Variants in PTPRT observed in about 807,000 individuals in gnomAD.
PTPRT encodes the protein protein tyrosine phosphatase receptor type T.
A neutral mutation model predicts 176.8 loss-of-function variants in PTPRT; 56 were observed. The ratio of observed to expected loss-of-function variants is 0.32; its 90% CI spans 0.26 to 0.40. The LOEUF is 0.40. Ranked by LOEUF, PTPRT falls within the 10% of genes least tolerant of loss-of-function variation. The pLI is 1.00. For synonymous variants in PTPRT, 783 were observed against 739.0 expected (o/e 1.06, Z -0.96); for missense variants, 1,540 against 1,908.2 (o/e 0.81, Z 3.60).
chr20:42,336,882 G>C (rs2058048039), intron 11 of PTPRT, among the ~76,000 whole-genome samples: 1 of 152,168 alleles, frequency 6.6e-6, no homozygotes. Flanking sequence ...TTTAGACTAG[G>C]AAATAGAAAC....
chr20:43,099,384 T>C (rs2012300287), intron 1 of PTPRT, among the ~76,000 whole-genome samples: 1 of 152,168 alleles, frequency 6.6e-6, no homozygotes, highest in African/African-American at 2.4e-5. Flanking sequence ...AGCAATTTTC[T>C]GAAGGACACA....
intron 11 of PTPRT, among the ~76,000 whole-genome samples, chr20:42,342,137 T>C (rs971603821): frequency 1.3e-5 from 2 of 152,244 alleles, no homozygotes; most frequent in Non-Finnish European, 2.9e-5. Flanking sequence ...ATCACCAGAC[T>C]GACCTTTGTC....
At chr20:42,774,267 A>G (rs1885831) in intron 4 of PTPRT, among the ~76,000 whole-genome samples, 24,502 of 152,146 alleles carry the variant, frequency 0.16, 2,237 homozygotes, top group East Asian at 0.39. Flanking sequence ...AAAAATAAAG[A>G]TTTCTTTATA....
At chr20:42,539,991 A>G (rs530587472) in intron 7 of PTPRT, among the ~76,000 whole-genome samples, 6 of 152,274 alleles carry the variant, frequency 3.9e-5, no homozygotes, top group Non-Finnish European at 7.4e-5. Flanking sequence ...TAACCAACAA[A>G]ACAGGTCAAC....
In PTPRT at chr20:42,929,135, C is replaced by T. The variant is rs1979669682; in HGVS notation, c.89-43203G>A. Among the ~76,000 whole-genome samples the T allele has an allele frequency of 1.3e-5, 2 of 152,222 alleles. 1 individual carries two copies. The highest frequency in any genetic ancestry group is 2.9e-5 in the Non-Finnish European group (2 of 68,040). On this transcript the variant is annotated intron_variant, in intron 1 of 30. Transcript: ENST00000373187. ...GGACACATGTGTCATTTCTAACATC[C>T]TTAGCATGCGAGAGTAATTCTCTCC... is the stretch of plus-strand genomic sequence containing the variant.
chr20:42,156,181 A>G (rs1989342298), intron 17 of PTPRT, among the ~76,000 whole-genome samples: 1 of 152,222 alleles, frequency 6.6e-6, no homozygotes, highest in African/African-American at 2.4e-5. Flanking sequence ...CCAGAAAGCC[A>G]CTGGCTATTT....
In PTPRT at chr20:42,101,817, G is replaced by A. The variant is rs563721868; in HGVS notation, c.3714+307C>T. On this transcript the variant is annotated intron_variant, in intron 26 of 30. Transcript: ENST00000373187. ...TTTACTAAACTTCAGGCTGAGAGTCGGCTCTGTGGGGAATGGAAGAGGTTG... is the reference window on the plus strand; with the variant it reads ...TTTACTAAACTTCAGGCTGAGAGTCAGCTCTGTGGGGAATGGAAGAGGTTG... Among the ~76,000 whole-genome samples, 5 of 152,328 alleles carry A rather than the reference G, an allele frequency of 3.3e-5. No homozygotes were observed. The South Asian group carries it at 1.0e-3, about 32-fold the overall frequency.
chr20:42,537,349 G>A (rs1251061525), intron 7 of PTPRT, among the ~76,000 whole-genome samples: 2 of 152,034 alleles, frequency 1.3e-5, no homozygotes, highest in Non-Finnish European at 2.9e-5. Flanking sequence ...CACTTATAAA[G>A]GTAAAATAAT....
At chr20:42,960,552 A>C (rs1299154751) in intron 1 of PTPRT, among the ~76,000 whole-genome samples, 1 of 152,198 alleles carries the variant, frequency 6.6e-6, no homozygotes, top group East Asian at 1.9e-4. Context: ...CCTTAGTAAT[A>C]GCAAAATATC....
intron 12 of PTPRT, among the ~76,000 whole-genome samples, chr20:42,302,895 T>C (rs2057490661): frequency 6.6e-6 from 1 of 152,202 alleles, no homozygotes; most frequent in South Asian, 2.1e-4. Context: ...AACTTCCCCA[T>C]ACTGGACTTC....
intron 13 of PTPRT, among the ~76,000 whole-genome samples, chr20:42,267,056 A>G (rs2056850884): frequency 1.3e-5 from 2 of 152,206 alleles, no homozygotes; most frequent in South Asian, 4.1e-4. Context: ...TGTGAACCTA[A>G]GATAGGTGGG....
chr20:42,109,265 C>G (rs1250857842), intron 23 of PTPRT, among the ~76,000 whole-genome samples: 1 of 151,720 alleles, frequency 6.6e-6, no homozygotes, highest in East Asian at 1.9e-4. Context: ...TGTGATAACT[C>G]AAGCATCCAG....
intron 8 of PTPRT, among the ~76,000 whole-genome samples, chr20:42,452,967 T>C (rs780233685): frequency 2.6e-5 from 4 of 152,326 alleles, no homozygotes; most frequent in Middle Eastern, 3.4e-3. Context: ...TCAAATGCCA[T>C]CTTACTACCA....
intron 1 of PTPRT, among the ~76,000 whole-genome samples, chr20:43,135,263 CTG>C (rs984483922): frequency 2.2e-4 from 34 of 152,224 alleles, no homozygotes; most frequent in African/African-American, 7.9e-4. Context: ...AGTCTATTCT[CTG>C]TGTTTTAATA....
At chr20:43,181,507 T>C (rs1244594322) in intron 1 of PTPRT, among the ~76,000 whole-genome samples, 1 of 152,184 alleles carries the variant, frequency 6.6e-6, no homozygotes, top group African/African-American at 2.4e-5. Context: ...AAAGACACGG[T>C]GACCTCAGCT....
At chr20:42,487,496 A>T (rs1330163608) in intron 7 of PTPRT, among the ~76,000 whole-genome samples, 1 of 152,198 alleles carries the variant, frequency 6.6e-6, no homozygotes, top group African/African-American at 2.4e-5. Context: ...GAACACTGTG[A>T]ACGTGATTAA....
chr20:43,118,726 C>T (rs1438595266), intron 1 of PTPRT, among the ~76,000 whole-genome samples: 1 of 152,220 alleles, frequency 6.6e-6, no homozygotes, highest in Non-Finnish European at 1.5e-5. Flanking sequence ...GCGTGAGCCA[C>T]CGCACCTGGC....
chr20:42,257,636 T>TCCCCCCC (rs1485904252), intron 13 of PTPRT, among the ~76,000 whole-genome samples: 6 of 6,644 alleles, frequency 9.0e-4, no homozygotes, highest in Non-Finnish European at 1.4e-3. Flanking sequence ...GTGTAGCACC[T>TCCCCCCC]CCCCCCACCC....
At chr20:42,095,209 A>G (rs1985076761) in intron 27 of PTPRT, among the ~76,000 whole-genome samples, 1 of 152,150 alleles carries the variant, frequency 6.6e-6, no homozygotes, top group Non-Finnish European at 1.5e-5. Context: ...TGCACCAACA[A>G]TCTATTCTCA....
Sources: gnomAD v4.1 joint callset for allele counts (sites outside exome capture counted in the v4.1 genomes callset) on GRCh38, gnomAD v4.1.1 for gene constraint, MANE v1.5 for transcripts, NCBI Gene and HGNC (gene_info 2026-07-23, HGNC 2026-07-21) for gene names.